Variants in POFUT3 observed in about 807,000 individuals in gnomAD.
POFUT3 encodes GDP-fucose protein O-fucosyltransferase 3.
At chr8:33,363,138 T>C in the POFUT3 span, among the ~76,000 whole-genome samples, 7 of 152,118 alleles carry the variant, frequency 4.6e-5, no homozygotes, top group East Asian at 1.9e-4. Flanking sequence ...CACAACTACA[T>C]GGAAACTGAA....
the POFUT3 span, among the ~76,000 whole-genome samples, chr8:33,403,227 A>T: frequency 2.0e-5 from 3 of 151,952 alleles, no homozygotes; most frequent in African/African-American, 7.3e-5. Context: ...AATGCTCATC[A>T]TCAGGATTTT....
At chr8:33,453,295 T>G in the POFUT3 span, 2 of 1,614,186 alleles carry the variant, frequency 1.2e-6, no homozygotes, top group South Asian at 2.2e-5. Flanking sequence ...CTGCTCCACA[T>G]TGGCCTAACC....
At chr8:33,338,457 C>T in the POFUT3 span, among the ~76,000 whole-genome samples, 1 of 152,196 alleles carries the variant, frequency 6.6e-6, no homozygotes, top group African/African-American at 2.4e-5. Context: ...AGAAAACTTG[C>T]CACTTGCCAT....
chr8:33,395,941 G>A, the POFUT3 span, among the ~76,000 whole-genome samples: 3 of 152,138 alleles, frequency 2.0e-5, no homozygotes, highest in African/African-American at 7.2e-5. Flanking sequence ...AGGAAGTCAC[G>A]GGAACTATCC....
chr8:33,310,418 A>G, the POFUT3 span, among the ~76,000 whole-genome samples: 451 of 152,306 alleles, frequency 3.0e-3, 1 homozygote, highest in African/African-American at 0.01. Context: ...TCAAAACACA[A>G]TAAAAATCCC....
At chr8:33,367,202 A>G in the POFUT3 span, among the ~76,000 whole-genome samples, 2 of 152,244 alleles carry the variant, frequency 1.3e-5, no homozygotes, top group Non-Finnish European at 2.9e-5. Context: ...CATGATGGCC[A>G]TAACGCCCAC....
At chr8:33,440,898 T>C in the POFUT3 span, among the ~76,000 whole-genome samples, 2 of 152,182 alleles carry the variant, frequency 1.3e-5, no homozygotes, top group Non-Finnish European at 2.9e-5. Context: ...AAATAGACAC[T>C]GGTTCTCAAC....
At chr8:33,458,723 A>C in the POFUT3 span, among the ~76,000 whole-genome samples, 2 of 152,150 alleles carry the variant, frequency 1.3e-5, no homozygotes, top group Non-Finnish European at 1.5e-5. Context: ...CAAAAAACAA[A>C]AAACAAAAAC....
the POFUT3 span, among the ~76,000 whole-genome samples, chr8:33,323,604 T>C: frequency 6.6e-6 from 1 of 152,226 alleles, no homozygotes; most frequent in South Asian, 2.1e-4. Flanking sequence ...CTACCACATG[T>C]GGTGGAAGGT....
chr8:33,381,414 A>G, the POFUT3 span, among the ~76,000 whole-genome samples: 3 of 152,302 alleles, frequency 2.0e-5, no homozygotes, highest in East Asian at 5.8e-4. Flanking sequence ...ATCTGTAGGA[A>G]GAAAAATTTT....
chr8:33,323,634 C>T, the POFUT3 span, among the ~76,000 whole-genome samples: 7 of 152,232 alleles, frequency 4.6e-5, no homozygotes, highest in South Asian at 2.1e-4. Context: ...GACTTACTCC[C>T]AATTCAAGAA....
chr8:33,320,474 T>G, the POFUT3 span, among the ~76,000 whole-genome samples: 15 of 152,120 alleles, frequency 9.9e-5, no homozygotes, highest in Non-Finnish European at 1.5e-4. Context: ...CAAACACTAT[T>G]TGCAATGGTT....
chr8:33,337,551 G>T, the POFUT3 span, among the ~76,000 whole-genome samples: 1 of 152,010 alleles, frequency 6.6e-6, no homozygotes, highest in African/African-American at 2.4e-5. Context: ...ATAGAAAGCT[G>T]GTAGATAATA....
At chr8:33,444,811 C>T in the POFUT3 span, among the ~76,000 whole-genome samples, 1 of 151,440 alleles carries the variant, frequency 6.6e-6, no homozygotes, top group Non-Finnish European at 1.5e-5. Context: ...GAGTGAGCCT[C>T]CATCCCAAAA....
At chr8:33,453,064 C>T in the POFUT3 span, 1 of 723,886 alleles carries the variant, frequency 1.4e-6, no homozygotes, top group Admixed American at 3.0e-5. Context: ...CTGCTAAATG[C>T]TCAGGCCTTC....
the POFUT3 span, among the ~76,000 whole-genome samples, chr8:33,403,027 C>T: frequency 9.2e-5 from 14 of 151,856 alleles, no homozygotes; most frequent in African/African-American, 3.4e-4. Flanking sequence ...CACCCCTGCA[C>T]TCCAGCCCGG....
At chr8:33,324,968 CTCT>C in the POFUT3 span, among the ~76,000 whole-genome samples, 9 of 152,150 alleles carry the variant, frequency 5.9e-5, no homozygotes, top group Middle Eastern at 3.2e-3. Context: ...CTTCTCTGGT[CTCT>C]TCTTCTTCTA....
At chr8:33,314,434 C>G in the POFUT3 span, among the ~76,000 whole-genome samples, 35 of 152,292 alleles carry the variant, frequency 2.3e-4, no homozygotes, top group South Asian at 1.0e-3. Context: ...ACAGCTGTTA[C>G]GAGAGTTTAA....
At chr8:33,336,753 T>C in the POFUT3 span, among the ~76,000 whole-genome samples, 1 of 152,150 alleles carries the variant, frequency 6.6e-6, no homozygotes, top group South Asian at 2.1e-4. Flanking sequence ...TGGAGAACTG[T>C]TCCTGATAGT....
Sources: gnomAD v4.1 joint callset for allele counts (sites outside exome capture counted in the v4.1 genomes callset) on GRCh38, gnomAD v4.1.1 for gene constraint, MANE v1.5 for transcripts, NCBI Gene and HGNC (gene_info 2026-07-23, HGNC 2026-07-21) for gene names.